The following TRIOBP variants were observed in gnomAD, a reference collection of about 807,000 sequenced individuals.
The protein encoded by TRIOBP is TRIO and F-actin binding protein, also known as TRIO and F-actin-binding protein.
TRIOBP carries 169 observed loss-of-function variants against 238.8 expected under a neutral mutation model. That is an observed-to-expected ratio of 0.71 (90% CI 0.62 to 0.80). The LOEUF is 0.80. Among genes scored for constraint, TRIOBP ranks in the 30% least tolerant of loss-of-function variants. TRIOBP has a pLI of 0.00. For missense variants in TRIOBP, 2,838 were observed against 3,122.6 expected, an observed-to-expected ratio of 0.91 and a Z score of 2.17; for synonymous variants, 1,150 against 1,274.4, an observed-to-expected ratio of 0.90 and a Z score of 2.08.
Position 37,757,734 on chromosome 22 carries a change from G to A in TRIOBP, c.5809G>A (p.Asp1937Asn), listed in dbSNP as rs747692764. 1.3e-6 allele frequency: 2 copies of A among 1,571,866 alleles called. No homozygotes were observed. The highest frequency in any genetic ancestry group is 2.3e-5 in the South Asian group (2 of 85,976). Residue 1937 changes from aspartate (D) to asparagine (N), a missense_variant, in exon 16 of 24, where the codon GAC becomes AAC. Transcript: ENST00000644935. ...VISRGGPRKADGQRQALDYVE... is the reference protein window; with the variant it reads ...VISRGGPRKANGQRQALDYVE... ...CAGCCGGGGTGGCCCTCGGAAGGCG[G>A]ACGGGCAGCGTCAGGCCTTGGACTA... is the stretch of plus-strand genomic sequence containing the variant.
At chr22:37,750,736 T>G (rs1004412979) in intron 11 of TRIOBP, 2 of 470,910 alleles carry the variant, frequency 4.2e-6, no homozygotes, top group African/African-American at 4.0e-5. Context: ...CCCCGGTTGG[T>G]CCACTTCCTA....
chr22:37,746,478 G>A, intron 11 of TRIOBP: 3 of 1,338,788 alleles, frequency 2.2e-6, no homozygotes, highest in Non-Finnish European at 2.0e-6. Flanking sequence ...ACGACCCGAG[G>A]CAGAGCCCAG....
At chr22:37,754,640 C>T (rs578148467) in intron 12 of TRIOBP, among the ~76,000 whole-genome samples, 53 of 152,226 alleles carry the variant, frequency 3.5e-4, no homozygotes, top group African/African-American at 1.2e-3. Context: ...CCTGAGGAGC[C>T]TTGGCAATCT....
intron 15 of TRIOBP, among the ~76,000 whole-genome samples, chr22:37,757,139 A>C (rs532644416): frequency 1.3e-5 from 2 of 152,184 alleles, no homozygotes; most frequent in South Asian, 4.1e-4. Flanking sequence ...AGGTGGGAGG[A>C]GCACGTGAGC....
intron 7 of TRIOBP, among the ~76,000 whole-genome samples, chr22:37,727,573 CAGG>C (rs2145836996): frequency 6.6e-6 from 1 of 152,210 alleles, no homozygotes; most frequent in African/African-American, 2.4e-5. Context: ...GAGGCTGAGG[CAGG>C]AGAATTGCTT....
chr22:37,740,875 C>A lies in TRIOBP; in HGVS notation c.5185-20C>A, dbSNP rs369248977. 5 of 1,564,206 alleles carry A rather than the reference C, an allele frequency of 3.2e-6. No homozygotes were observed. The highest frequency in any genetic ancestry group is 4.3e-6 in the Non-Finnish European group (5 of 1,153,964). The stretch of plus-strand genomic sequence containing the variant: ...TCCTGCCAAAGGGACCTGGGGCCAA[C>A]ACTGGACCCTGTTTGACAGGCAGAC... On this transcript the variant is annotated intron_variant, in intron 10 of 23. Coordinates refer to ENST00000644935, the MANE Select transcript of TRIOBP (RefSeq NM_001039141.3).
chr22:37,720,911 G>A (rs1042696032), intron 6 of TRIOBP, among the ~76,000 whole-genome samples: 1 of 152,038 alleles, frequency 6.6e-6, no homozygotes, highest in Non-Finnish European at 1.5e-5. Context: ...AGGCTGGAGT[G>A]CAGTGGCCAG....
chr22:37,724,791 A>G lies in TRIOBP; in HGVS notation c.2235A>G (p.Arg745=), dbSNP rs772623310. ...GAACCATCCAGCGAGACAACCCCAG[A>G]ACATCCTGTGCCCAGCGGGACAATC... ...RNRTIQRDNP[R]TSCAQRDNPR... The change falls in exon 7 of 24, where the codon AGA becomes AGG. Residue 745 remains arginine, a synonymous_variant. Transcript: ENST00000644935. 4.3e-6 allele frequency: 7 copies of G among 1,612,312 alleles called. No individual in the cohort carries two copies. The East Asian group carries it at 6.7e-5, about 15-fold the overall frequency.
intron 17 of TRIOBP, chr22:37,760,237 A>G (rs1246992284): frequency 1.3e-5 from 2 of 152,432 alleles, no homozygotes; most frequent in Middle Eastern, 3.4e-3. Flanking sequence ...TGTAATGGTT[A>G]TAGATGTGAG....
chr22:37,701,269 A>G (rs1047373506), intron 2 of TRIOBP, 37 bp from the exon 3 acceptor site: 3 of 940,330 alleles, frequency 3.2e-6, no homozygotes, highest in Non-Finnish European at 5.1e-6. Flanking sequence ...GTGGCCAGCC[A>G]GTCATCTGGT....
chr22:37,755,577 G>A lies in TRIOBP; in HGVS notation c.5605G>A (p.Ala1869Thr). 6.2e-7 allele frequency: 1 copy of A among 1,614,012 alleles called. No individual in the cohort carries two copies. The highest frequency in any genetic ancestry group is 8.5e-7 in the Non-Finnish European group (1 of 1,180,014). Residue 1869 changes from alanine (A) to threonine (T), a missense_variant, in exon 15 of 24, where the codon GCC (alanine) becomes ACC (threonine). Physicochemically the swap from Ala to Thr is moderately conservative, Grantham distance 58. Around this residue, in one of 5 missense-constraint regions of TRIOBP, gnomAD observed 2,096 missense variants for 2,137.4 expected, o/e 0.98. Coordinates refer to ENST00000644935, the MANE Select transcript of TRIOBP (RefSeq NM_001039141.3). Reference protein sequence around the residue: ...HTKDAVYTLSAMTSGIRRNWI... With the variant: ...HTKDAVYTLSTMTSGIRRNWI... ...CAAGGATGCTGTCTATACCTTGTCG[G>A]CCATGACCTCAGGCATCCGGCGGAA...
At chr22:37,751,685 G>A in intron 11 of TRIOBP, 87 bp from the exon 12 acceptor site, 1 of 1,491,870 alleles carries the variant, frequency 6.7e-7, no homozygotes, top group Non-Finnish European at 9.3e-7. Context: ...AGGACTTGGG[G>A]ACAGGGTGGG....
At chr22:37,712,822 T>C (rs1923321596) in intron 4 of TRIOBP, among the ~76,000 whole-genome samples, 1 of 151,440 alleles carries the variant, frequency 6.6e-6, no homozygotes, top group African/African-American at 2.4e-5. Context: ...CCAGGCGTGG[T>C]GGCGGGCGCC....
chr22:37,749,868 C>T (rs1016801335), intron 11 of TRIOBP, among the ~76,000 whole-genome samples: 7 of 151,622 alleles, frequency 4.6e-5, no homozygotes, highest in Non-Finnish European at 1.5e-5. Flanking sequence ...GTGGAAGGAT[C>T]GCTTGAGCCC....
In TRIOBP at chr22:37,774,207, G is replaced by C. The variant is rs2145887695; in HGVS notation, c.*427G>C. 1 of 152,476 alleles carries C rather than the reference G, an allele frequency of 6.6e-6. No individual in the cohort carries two copies. Among genetic ancestry groups the C allele is most frequent in the Non-Finnish European group, 1.5e-5 (1 of 68,050 alleles). The allele number at this position is 152,476 out of a possible 1,614,324, so 9.4% of individuals were successfully genotyped here. On this transcript the variant is annotated 3_prime_UTR_variant, in exon 24 of 24. Transcript: ENST00000644935. ...CTGTCTCCAGCCACCCTCTGCTTGGGCTTCTGAGCTGGTGGCCCTGGCCCA... is the reference window on the plus strand; with the variant it reads ...CTGTCTCCAGCCACCCTCTGCTTGGCCTTCTGAGCTGGTGGCCCTGGCCCA...
rs1351816849 is a variant in TRIOBP at position 37,735,057 on chromosome 22, G to C, written c.4721G>C (p.Trp1574Ser). The stretch of plus-strand genomic sequence containing the variant: ...CTCCGGGCACCAGGAGAGGGGGTCT[G>C]GGCCCGTGTCCCCAGCCTGGACTGG... ...GLLRAPGEGV[W>S]ARVPSLDWEG... is the part of the protein sequence containing the mutation. The change falls in exon 9 of 24, where the codon TGG becomes TCG. Residue 1574 changes from tryptophan (W) to serine (S), a missense_variant. Around this residue, in one of 5 missense-constraint regions of TRIOBP, gnomAD observed 2,096 missense variants for 2,137.4 expected, o/e 0.98. Coordinates refer to ENST00000644935, the MANE Select transcript of TRIOBP (RefSeq NM_001039141.3). The C allele has an allele frequency of 1.2e-6, 2 of 1,607,296 alleles. No individual in the cohort carries two copies. Among genetic ancestry groups the C allele is most frequent in the African/African-American group, 2.7e-5 (2 of 74,784 alleles).
intron 8 of TRIOBP, among the ~76,000 whole-genome samples, 153 bp downstream of exon 8, chr22:37,733,565 A>C (rs1924525510): frequency 6.6e-6 from 1 of 151,958 alleles, no homozygotes; most frequent in Admixed American, 6.6e-5. Context: ...CCCTCTCCCC[A>C]ACGGCCAGCA....
chr22:37,734,894 G>A lies in TRIOBP; in HGVS notation c.4558G>A (p.Gly1520Arg). 6.2e-7 allele frequency: 1 copy of A among 1,613,228 alleles called. No individual in the cohort carries two copies. The highest frequency in any genetic ancestry group is 8.5e-7 in the Non-Finnish European group (1 of 1,180,016). ...ACTCACGAGCCCCCCTGAGAACTGGGGAGGCCCCGCAGAGTCCTCACAATC... is the reference window on the plus strand; with the variant it reads ...ACTCACGAGCCCCCCTGAGAACTGGAGAGGCCCCGCAGAGTCCTCACAATC... ...SPLTSPPENW[G>R]GPAESSQSWH... Residue 1520 changes from glycine (G) to arginine (R), a missense_variant, in exon 9 of 24, where the codon GGA becomes AGA. Physicochemically the swap from Gly to Arg is moderately radical, Grantham distance 125. This residue lies in a region of TRIOBP where 2,096 missense variants were observed against 2,137.4 expected (regional missense o/e 0.98). Coordinates refer to ENST00000644935, the MANE Select transcript of TRIOBP (RefSeq NM_001039141.3).
chr22:37,751,367 G>A, intron 11 of TRIOBP: 1 of 342,160 alleles, frequency 2.9e-6, no homozygotes, highest in East Asian at 7.7e-5. Flanking sequence ...GTCCTCGTCA[G>A]AGGGAGGAAC....
Sources: allele counts gnomAD v4.1 joint callset (sites outside exome capture counted in the v4.1 genomes callset), GRCh38; gene constraint gnomAD v4.1.1; regional missense constraint gnomAD v4.1.1; transcripts MANE v1.5; gene names NCBI Gene and HGNC (gene_info 2026-07-23, HGNC 2026-07-21).